Variants in GSN observed in about 807,000 individuals in gnomAD.
GSN encodes actin-depolymerizing factor.
A neutral mutation model predicts 85.7 loss-of-function variants in GSN; 56 were observed. The ratio of observed to expected loss-of-function variants is 0.65; its 90% confidence interval spans 0.53 to 0.82. The LOEUF (loss-of-function observed/expected upper bound fraction) is 0.82. Among genes scored for constraint, GSN ranks in the 40% least tolerant of loss-of-function variants. The pLI, the probability that GSN is intolerant of heterozygous loss-of-function variation, is 0.00. For missense variants in GSN, 857 were observed against 979.8 expected, an observed-to-expected ratio of 0.87 and a Z score of 1.67; for synonymous variants, 373 against 399.1, an observed-to-expected ratio of 0.93 and a Z score of 0.78.
intron 2 of GSN, among the ~76,000 whole-genome samples, chr9:121,295,291 G>A (rs748888486): frequency 3.9e-5 from 6 of 152,176 alleles, no homozygotes; most frequent in African/African-American, 9.7e-5. Flanking sequence ...ACTTTTCCAG[G>A]CCCTGTTCAG....
rs370685956 is a variant in GSN at position 121,239,216 on chromosome 9, G to A, written c.-389+7913G>A. ...TCTCTGGCTGTAGAAACCTCTTGAA[G>A]TGCTTCAGTAGATGAACTCATATCT... On this transcript the variant is annotated intron_variant, in intron 5 of 24. Transcript: ENST00000373823. The A allele has an allele frequency of 1.2e-5, 4 of 339,498 alleles. No individual in the cohort carries two copies. The East Asian group carries it at 2.2e-4, about 19-fold the overall frequency. 21.0% of individuals were successfully genotyped at this position (339,498 alleles called of 1,614,324 possible).
intron 1 of GSN, among the ~76,000 whole-genome samples, chr9:121,276,384 G>A (rs2056671044): frequency 6.6e-6 from 1 of 152,228 alleles, no homozygotes; most frequent in African/African-American, 2.4e-5. Flanking sequence ...GTGCCAGCCT[G>A]TGGTGACCAG....
At chr9:121,247,699 A>G (rs2054728676) in intron 5 of GSN, among the ~76,000 whole-genome samples, 1 of 152,240 alleles carries the variant, frequency 6.6e-6, no homozygotes, top group African/African-American at 2.4e-5. Context: ...AAGATTTAAA[A>G]TAAGTACAAA....
chr9:121,256,975 C>T (rs2054976387), intron 6 of GSN, among the ~76,000 whole-genome samples: 1 of 151,980 alleles, frequency 6.6e-6, no homozygotes. Flanking sequence ...TTGTATATTT[C>T]AAAATAGCTA....
intron 6 of GSN, among the ~76,000 whole-genome samples, chr9:121,250,961 A>T (rs1484450597): frequency 1.3e-5 from 2 of 151,222 alleles, no homozygotes; most frequent in African/African-American, 4.9e-5. Context: ...AGCTGGGACT[A>T]CAGGCACTTG....
chr9:121,264,552 T>C (rs1474896065), upstream of GSN, among the ~76,000 whole-genome samples: 1 of 152,228 alleles, frequency 6.6e-6, no homozygotes, highest in African/African-American at 2.4e-5. Flanking sequence ...AGCACAACAC[T>C]AAAGGGGACC....
intron 5 of GSN, among the ~76,000 whole-genome samples, chr9:121,241,985 C>G (rs558861405): frequency 1.1e-4 from 17 of 152,290 alleles, no homozygotes; most frequent in Non-Finnish European, 2.4e-4. Context: ...GATCTTGGTT[C>G]AAAATGTAGT....
intron 4 of GSN, among the ~76,000 whole-genome samples, chr9:121,228,050 CCCAG>C (rs2054303797): frequency 6.6e-6 from 1 of 152,154 alleles, no homozygotes; most frequent in Non-Finnish European, 1.5e-5. Context: ...GAAGTGGACA[CCCAG>C]CCGCAAGTTC....
intron 5 of GSN, among the ~76,000 whole-genome samples, chr9:121,244,601 G>C (rs1177029259): frequency 6.6e-6 from 1 of 152,154 alleles, no homozygotes; most frequent in Non-Finnish European, 1.5e-5. Context: ...ATATGCAGTA[G>C]CAAAAATATA....
intron 7 of GSN, among the ~76,000 whole-genome samples, chr9:121,314,955 G>A (rs551604267): frequency 1.4e-4 from 21 of 152,256 alleles, no homozygotes; most frequent in East Asian, 7.7e-4. Flanking sequence ...TCTGCCTACC[G>A]GGCTCAAGCG....
At chr9:121,255,794 A>T (rs2054943969) in intron 6 of GSN, among the ~76,000 whole-genome samples, 2 of 152,202 alleles carry the variant, frequency 1.3e-5, no homozygotes, top group Non-Finnish European at 2.9e-5. Flanking sequence ...AATAACTTGT[A>T]AATATGCCAT....
intron 4 of GSN, among the ~76,000 whole-genome samples, chr9:121,306,962 T>C (rs2060482185): frequency 2.0e-5 from 3 of 152,110 alleles, no homozygotes; most frequent in Admixed American, 2.0e-4. Flanking sequence ...GGGTGGATCA[T>C]TTGAGGTCAG....
chr9:121,284,500 G>C (rs2057816411), intron 2 of GSN: 10 of 167,086 alleles, frequency 6.0e-5, no homozygotes. Flanking sequence ...TTAACGCCCA[G>C]AGTGCTCTGT....
intron 4 of GSN, among the ~76,000 whole-genome samples, chr9:121,228,804 A>G (rs2054329216): frequency 6.6e-6 from 1 of 152,302 alleles, no homozygotes; most frequent in East Asian, 1.9e-4. Context: ...ATCTAGATTC[A>G]GTAATTTTGC....
At chr9:121,325,286 GGA>G in intron 12 of GSN, among the ~76,000 whole-genome samples, 1 of 152,362 alleles carries the variant, frequency 6.6e-6, no homozygotes, top group South Asian at 2.1e-4. Context: ...CCCTGTCCCA[GGA>G]GGGGACTGTT....
intron 2 of GSN, among the ~76,000 whole-genome samples, chr9:121,294,227 C>T (rs1194994339): frequency 3.9e-5 from 6 of 152,208 alleles, no homozygotes; most frequent in African/African-American, 1.2e-4. Flanking sequence ...TCCACGGTCC[C>T]AGCATCTGCA....
intron 4 of GSN, among the ~76,000 whole-genome samples, chr9:121,228,278 C>T (rs1367180997): frequency 2.0e-5 from 3 of 151,496 alleles, no homozygotes; most frequent in Admixed American, 6.6e-5. Flanking sequence ...GAATCATAAA[C>T]GATACTTTGC....
chr9:121,224,631 A>C (rs1181651456), intron 4 of GSN, among the ~76,000 whole-genome samples: 1 of 151,564 alleles, frequency 6.6e-6, no homozygotes, highest in Non-Finnish European at 1.5e-5. Context: ...CTTTCCTGCC[A>C]CCAATGTTGC....
In GSN at chr9:121,261,980, G is replaced by A. The variant is rs2055095596; in HGVS notation, c.-340-3174G>A. ...TCTCCAAGATTTTTTTGGTGTGGGT[G>A]TGTTTAAGGGATTTTATGAATTACT... On this transcript the variant is annotated intron_variant, in intron 6 of 24. Coordinates refer to the GSN transcript ENST00000373823. This position sits in a 1 kb window ranked among gnomAD's most constrained non-coding sequence, Gnocchi z 4.1. Among the ~76,000 whole-genome samples the A allele has an allele frequency of 1.3e-5, 2 of 152,170 alleles. No individual in the cohort carries two copies. Among genetic ancestry groups the A allele is most frequent in the African/African-American group, 2.4e-5 (1 of 41,444 alleles).
Sources: allele counts gnomAD v4.1 joint callset (sites outside exome capture counted in the v4.1 genomes callset), GRCh38; gene constraint gnomAD v4.1.1; non-coding constraint Gnocchi (gnomAD v3.1); transcripts MANE v1.5; gene names NCBI Gene and HGNC (gene_info 2026-07-23, HGNC 2026-07-21).